Variants in ARID5B observed in about 807,000 individuals in gnomAD.
The protein encoded by ARID5B is AT-rich interactive domain-containing protein 5B.
In ARID5B, 13 loss-of-function variants were observed where a neutral mutation model predicts 97.2. That is an observed-to-expected ratio of 0.13 (90% CI 0.09 to 0.21). The LOEUF (loss-of-function observed/expected upper bound fraction) is 0.21, where lower values mean the gene tolerates loss of function less well. ARID5B is among the 10% of genes least tolerant of loss of function. The probability of loss-of-function intolerance (pLI) is 1.00; values close to 1 mark genes in which losing one functional copy is unlikely to be tolerated. For synonymous variants in ARID5B, 556 were observed against 570.3 expected (o/e 0.97, Z 0.36); for missense variants, 1,210 against 1,465.3 (o/e 0.83, Z 2.84).
chr10:61,908,968 C>A (rs1454793718), intron 2 of ARID5B, among the ~76,000 whole-genome samples: 1 of 152,080 alleles, frequency 6.6e-6, no homozygotes, highest in Non-Finnish European at 1.5e-5. Flanking sequence ...TTATTTGTAG[C>A]ATTTCTTAAT....
At chr10:61,978,807 C>T (rs890375660) in intron 3 of ARID5B, among the ~76,000 whole-genome samples, 6 of 152,144 alleles carry the variant, frequency 3.9e-5, no homozygotes, top group East Asian at 3.8e-4. Context: ...CATCTGCAAA[C>T]GGGGACAATT....
At chr10:61,982,982 G>A (rs1208665567) in intron 3 of ARID5B, among the ~76,000 whole-genome samples, 1 of 152,328 alleles carries the variant, frequency 6.6e-6, no homozygotes, top group Admixed American at 6.5e-5. Flanking sequence ...GCAGGTTGGG[G>A]CAAAGTAGAG....
At position 62,092,727 on chromosome 10, in the gene ARID5B, C is replaced by G; in HGVS notation, c.3264C>G (p.Asn1088Lys). The G allele has an allele frequency of 6.2e-7, 1 of 1,614,152 alleles. No individual in the cohort carries two copies. The highest frequency in any genetic ancestry group is 8.5e-7 in the Non-Finnish European group (1 of 1,180,022). ...FPGLYSGSLC[N>K]SGLNSRLPAG... ...GTCTGTATTCCGGGAGCCTGTGTAA[C>G]TCGGGCCTCAACTCCAGGCTCCCGG... The change falls in exon 10 of 10, where the codon AAC (asparagine) becomes AAG (lysine). Residue 1088 changes from asparagine to lysine, a missense_variant. Around this residue, in one of 8 missense-constraint regions of ARID5B, gnomAD observed 800 missense variants for 839.1 expected, o/e 0.95. Transcript: ENST00000279873.
intron 3 of ARID5B, among the ~76,000 whole-genome samples, chr10:61,955,260 T>G (rs1392399842): frequency 1.3e-5 from 2 of 152,178 alleles, no homozygotes; most frequent in Non-Finnish European, 2.9e-5. Context: ...TACCAACACA[T>G]GCTTCTATGC....
intron 2 of ARID5B, among the ~76,000 whole-genome samples, chr10:61,923,765 A>G (rs576409447): frequency 5.1e-4 from 77 of 152,278 alleles, no homozygotes; most frequent in African/African-American, 1.9e-3. Flanking sequence ...CCAGGAAAGG[A>G]GCAGGAGACT....
chr10:61,985,678 T>C (rs777452421), intron 3 of ARID5B, among the ~76,000 whole-genome samples: 7 of 152,144 alleles, frequency 4.6e-5, no homozygotes, highest in Admixed American at 1.3e-4. Context: ...AATCGTATCA[T>C]TTTTAATCTT....
intron 3 of ARID5B, among the ~76,000 whole-genome samples, chr10:61,972,258 G>A (rs1250148826): frequency 8.4e-5 from 10 of 118,582 alleles, no homozygotes; most frequent in Non-Finnish European, 1.2e-4. Context: ...ACAGAGTTTC[G>A]CTCTTGTAAT....
At chr10:62,068,679 A>G (rs942282159) in intron 7 of ARID5B, among the ~76,000 whole-genome samples, 2 of 152,174 alleles carry the variant, frequency 1.3e-5, no homozygotes, top group East Asian at 1.9e-4. Context: ...TACACATTCA[A>G]ATAACAGAGT....
chr10:61,936,872 A>G (rs1844314594), intron 2 of ARID5B, among the ~76,000 whole-genome samples: 1 of 149,884 alleles, frequency 6.7e-6, no homozygotes, highest in Non-Finnish European at 1.5e-5. Flanking sequence ...AAGAAAGAAA[A>G]AAAAACTTTG....
At chr10:62,006,981 C>G (rs554658242) in intron 4 of ARID5B, among the ~76,000 whole-genome samples, 7 of 152,240 alleles carry the variant, frequency 4.6e-5, no homozygotes, top group Admixed American at 2.6e-4. Context: ...TTTCACCTAG[C>G]ATTTCATCTA....
chr10:62,077,862 G>A (rs940119186), intron 8 of ARID5B, among the ~76,000 whole-genome samples: 5 of 152,178 alleles, frequency 3.3e-5, no homozygotes, highest in African/African-American at 1.2e-4. Context: ...AGTAACAGAT[G>A]CCTTCACAAA....
rs1415906129 is a variant in ARID5B, at chr10:62,096,171, G to A, written c.*3141G>A. On this transcript the variant is annotated 3_prime_UTR_variant, in exon 10 of 10. Transcript: ENST00000279873. ...AGCTCTTAAGTTCACTTGTTTATCAGGGCATATACAGAAGGGTTTGTTAAA... is the reference window on the plus strand; with the variant it reads ...AGCTCTTAAGTTCACTTGTTTATCAAGGCATATACAGAAGGGTTTGTTAAA... The A allele has an allele frequency of 4.3e-6, 1 of 233,376 alleles. No homozygotes were observed. The highest frequency in any genetic ancestry group is 5.6e-5 in the Admixed American group (1 of 17,756). The allele number at this position is 233,376 out of a possible 1,614,324, so 14.5% of individuals were successfully genotyped here. A position where few individuals can be genotyped will look rare whatever the true frequency, so the allele number is the denominator to read the frequency against.
chr10:62,078,739 A>C (rs949315555), intron 8 of ARID5B, among the ~76,000 whole-genome samples: 10 of 152,210 alleles, frequency 6.6e-5, no homozygotes, highest in Admixed American at 5.9e-4. Flanking sequence ...CATAGGAACA[A>C]CATTAGTCTA....
intron 4 of ARID5B, among the ~76,000 whole-genome samples, chr10:62,036,284 C>T (rs1379488037): frequency 1.3e-5 from 2 of 152,152 alleles, no homozygotes; most frequent in East Asian, 1.9e-4. Context: ...AAGGTGAGGA[C>T]GATGCTCCCT....
At chr10:61,962,042 C>T (rs1038950167) in intron 3 of ARID5B, among the ~76,000 whole-genome samples, 3 of 152,240 alleles carry the variant, frequency 2.0e-5, no homozygotes, top group Non-Finnish European at 2.9e-5. Flanking sequence ...AGCCATCGCA[C>T]CCGGCCTTCT....
At chr10:61,927,963 C>G (rs1204606357) in intron 2 of ARID5B, among the ~76,000 whole-genome samples, 1 of 152,172 alleles carries the variant, frequency 6.6e-6, no homozygotes, top group East Asian at 1.9e-4. Flanking sequence ...AACAGAGGCC[C>G]TGGGCACTGT....
intron 4 of ARID5B, among the ~76,000 whole-genome samples, chr10:62,042,069 T>C (rs1435737873): frequency 1.3e-5 from 2 of 152,242 alleles, no homozygotes; most frequent in Non-Finnish European, 2.9e-5. Flanking sequence ...CAAAATGTCC[T>C]TAAAACACAT....
chr10:62,018,795 C>T (rs1034264134), intron 4 of ARID5B, among the ~76,000 whole-genome samples: 2 of 152,078 alleles, frequency 1.3e-5, no homozygotes, highest in Non-Finnish European at 2.9e-5. Context: ...TAATGTGTTG[C>T]TATATTTACA....
intron 3 of ARID5B, 93 bp from the exon 4 acceptor site, chr10:61,999,998 C>G (rs1015903524): frequency 1.5e-6 from 2 of 1,296,058 alleles, no homozygotes; most frequent in Non-Finnish European, 2.2e-6. Flanking sequence ...TTTTTAGTCC[C>G]AAACCAGAAG....
Sources: allele counts gnomAD v4.1 joint callset (sites outside exome capture counted in the v4.1 genomes callset), GRCh38; gene constraint gnomAD v4.1.1; regional missense constraint gnomAD v4.1.1; transcripts MANE v1.5; gene names NCBI Gene and HGNC (gene_info 2026-07-23, HGNC 2026-07-21).